SYMPK: variants seen among roughly 807,000 people sequenced by gnomAD.
The protein encoded by SYMPK is symplekin scaffold protein, also known as symplekin.
SYMPK carries 49 observed loss-of-function variants against 136.4 expected under a neutral mutation model. The observed-to-expected ratio is 0.36, with a 90% CI of 0.29 to 0.46. The LOEUF (loss-of-function observed/expected upper bound fraction) is 0.46. Among genes scored for constraint, SYMPK ranks in the 20% least tolerant of loss-of-function variants. The pLI, the probability that SYMPK is intolerant of heterozygous loss-of-function variation, is 1.00. For synonymous variants in SYMPK, 766 were observed against 713.0 expected (o/e 1.07, Z -1.19); for missense variants, 1,365 against 1,690.0 (o/e 0.81, Z 3.37).
intron 3 of SYMPK, among the ~76,000 whole-genome samples, chr19:45,853,010 T>C (rs773004093): frequency 2.0e-5 from 3 of 152,212 alleles, no homozygotes; most frequent in Admixed American, 6.5e-5. Flanking sequence ...CCCTTGTGCC[T>C]GCCAGGCTCT....
intron 9 of SYMPK, among the ~76,000 whole-genome samples, chr19:45,839,830 T>TCAAAA (rs147197355): frequency 0.14 from 21,167 of 148,596 alleles, 1,569 homozygotes; most frequent in South Asian, 0.18. Flanking sequence ...AGACTCTGTC[T>TCAAAA]CAAAACAAAA....
In SYMPK at chr19:45,815,511, T is replaced by TCCCCCCCC; in HGVS notation, c.*48_*49insGGGGGGGG. The TCCCCCCCC allele has an allele frequency of 9.9e-7, 1 of 1,012,798 alleles. No homozygotes were observed. The highest frequency in any genetic ancestry group is 1.4e-6 in the Non-Finnish European group (1 of 736,554). The allele number at this position is 1,012,798 out of a possible 1,614,324, so 62.7% of individuals were successfully genotyped here. A position where few individuals can be genotyped will look rare whatever the true frequency, so the allele number is the denominator to read the frequency against. ...CACCCGCAGGTCAAGCCCCGCCCCG[T>TCCCCCCCC]CCCCCAGCCCCGAGTCCCTGTCCCA... is the stretch of plus-strand genomic sequence containing the variant. On this transcript the variant is annotated 3_prime_UTR_variant, in exon 27 of 27. Coordinates refer to ENST00000245934, the MANE Select transcript of SYMPK (RefSeq NM_004819.3).
intron 16 of SYMPK, among the ~76,000 whole-genome samples, chr19:45,827,217 C>T (rs1424543155): frequency 2.0e-5 from 3 of 152,210 alleles, no homozygotes; most frequent in Non-Finnish European, 2.9e-5. Context: ...CTGGCCACCA[C>T]GGGTGGACTA....
intron 8 of SYMPK, chr19:45,843,059 T>A (rs1971480661): frequency 6.5e-6 from 1 of 153,228 alleles, no homozygotes; most frequent in African/African-American, 2.4e-5. Flanking sequence ...CCAGTGAGAA[T>A]ACCACATTCC....
rs146119096 is a variant in SYMPK, at chr19:45,842,401, C to T, written c.936G>A (p.Pro312=). ...TCTGGGCCTGGAACTCCAAGGAAGC[C>T]GGGTGCTTCAGCACACTCAACAGGT... ...KLHLLSVLKH[P]ASLEFQAQIT... is the part of the protein sequence containing the mutation. The change falls in exon 9 of 27, where the codon CCG becomes CCA. Residue 312 remains proline (P), a synonymous_variant. Coordinates refer to ENST00000245934, the MANE Select transcript of SYMPK (RefSeq NM_004819.3). 77 of 1,614,086 alleles carry T rather than the reference C, an allele frequency of 4.8e-5. No homozygotes were observed. In the Admixed American group the frequency reaches 1.1e-3, roughly 23 times the overall value.
chr19:45,836,863 G>C (rs1429293497), intron 10 of SYMPK, among the ~76,000 whole-genome samples: 1 of 152,066 alleles, frequency 6.6e-6, no homozygotes, highest in Non-Finnish European at 1.5e-5. Context: ...AGGCTACACA[G>C]TGAACTTTAA....
chr19:45,818,651 T>C (rs950239871), intron 22 of SYMPK, among the ~76,000 whole-genome samples: 1 of 152,092 alleles, frequency 6.6e-6, no homozygotes, highest in African/African-American at 2.4e-5. Flanking sequence ...AAGGGCTGTG[T>C]TGGGCATATG....
intron 1 of SYMPK, among the ~76,000 whole-genome samples, chr19:45,860,336 T>C (rs150319067): frequency 0.017 from 2,565 of 152,024 alleles, 43 homozygotes; most frequent in Non-Finnish European, 0.029. Context: ...CAGGCACATG[T>C]AATCCTAGCT....
At chr19:45,849,913 C>T (rs1417360585) in intron 5 of SYMPK, among the ~76,000 whole-genome samples, 3 of 152,130 alleles carry the variant, frequency 2.0e-5, no homozygotes, top group Non-Finnish European at 4.4e-5. Flanking sequence ...GGCATGGTGG[C>T]GGGCACCTGT....
chr19:45,822,518 C>T (rs564939794), intron 21 of SYMPK, among the ~76,000 whole-genome samples: 76 of 152,328 alleles, frequency 5.0e-4, no homozygotes, highest in Non-Finnish European at 8.4e-4. Flanking sequence ...AGGGAAGATG[C>T]TGCTGGAGCC....
At chr19:45,842,578 G>A in intron 8 of SYMPK, 89 bp from the exon 9 acceptor site, 4 of 1,545,542 alleles carry the variant, frequency 2.6e-6, no homozygotes, top group Non-Finnish European at 3.5e-6. Context: ...TTGGGCAGTG[G>A]TCTTGCAGGC....
intron 26 of SYMPK, 44 bp downstream of exon 26, chr19:45,815,807 C>T (rs1970716448): frequency 6.2e-7 from 1 of 1,601,266 alleles, no homozygotes; most frequent in Non-Finnish European, 8.5e-7. Context: ...TCACCCCGGC[C>T]CAGATCCGGC....
Position 45,827,628 on chromosome 19 carries a change from A to G in SYMPK, c.2068-5T>C, listed in dbSNP as rs988791297. On this transcript the variant is annotated splice_region_variant and splice_polypyrimidine_tract_variant and intron_variant, in intron 15 of 26. Transcript: ENST00000245934. ...CATGCCCAGATAGGTGCGACTCTGC[A>G]GCAAAAGGAAAGGGACCCGAGCTCA... 1 of 1,613,438 alleles carries G rather than the reference A, an allele frequency of 6.2e-7. No individual in the cohort carries two copies. The highest frequency in any genetic ancestry group is 8.5e-7 in the Non-Finnish European group (1 of 1,179,370).
At position 45,816,197 on chromosome 19, in the gene SYMPK, G is replaced by C. The variant is rs749185561; in HGVS notation, c.3355-14C>G. ...CTCCAGATCATCCTGGGGATAGGGAGGGCCACACAGAAGCTCAGAGGTGGG... is the reference window on the plus strand; with the variant it reads ...CTCCAGATCATCCTGGGGATAGGGACGGCCACACAGAAGCTCAGAGGTGGG... On this transcript the variant is annotated splice_polypyrimidine_tract_variant and intron_variant, in intron 25 of 26. Coordinates refer to ENST00000245934, the MANE Select transcript of SYMPK (RefSeq NM_004819.3). 2.0e-6 allele frequency: 3 copies of C among 1,494,838 alleles called. No homozygotes were observed. The highest frequency in any genetic ancestry group is 1.8e-6 in the Non-Finnish European group (2 of 1,116,868). 92.6% of individuals were successfully genotyped at this position (1,494,838 alleles called of 1,614,324 possible).
chr19:45,847,786 G>T lies in SYMPK; in HGVS notation c.642C>A (p.Asp214Glu). Residue 214 changes from aspartate to glutamate, a missense_variant, in exon 7 of 27, where the codon GAC becomes GAA. Physicochemically the swap from Asp to Glu is conservative, Grantham distance 45. This residue lies in a region of SYMPK where 237 missense variants were observed against 292.9 expected (regional missense o/e 0.81). Coordinates refer to ENST00000245934, the MANE Select transcript of SYMPK (RefSeq NM_004819.3). ...TGTAGGGGTGGTCACGAGGGATGCG[G>T]TCCAGGCTGATATCATGCTCCTGGC... Reference protein sequence around the residue: ...PRRQEHDISLDRIPRDHPYIQ... With the variant: ...PRRQEHDISLERIPRDHPYIQ... 1 of 1,614,056 alleles carries T rather than the reference G, an allele frequency of 6.2e-7. No individual in the cohort carries two copies. The highest frequency in any genetic ancestry group is 8.5e-7 in the Non-Finnish European group (1 of 1,180,008).
rs1188161401 is a variant in SYMPK, at chr19:45,821,427, G to A, written c.2850C>T (p.His950=). The A allele has an allele frequency of 6.2e-7, 1 of 1,614,130 alleles. No individual in the cohort carries two copies. The highest frequency in any genetic ancestry group is 1.1e-5 in the South Asian group (1 of 91,082). Residue 950 remains histidine, a synonymous_variant, in exon 22 of 27, where the codon CAC becomes CAT. Transcript: ENST00000245934. This position sits in a 1 kb window ranked among gnomAD's most constrained non-coding sequence, Gnocchi z 4.4. ...TGTCGCACTTCACGGAGTCAATGTT[G>A]TGTAATGCGATCAGGAGCTCTCCAG... ...LNPGELLIAL[H]NIDSVKCDMK... is the part of the protein sequence containing the mutation.
intron 5 of SYMPK, among the ~76,000 whole-genome samples, chr19:45,851,323 C>T (rs1003644163): frequency 1.3e-5 from 2 of 152,170 alleles, no homozygotes; most frequent in Non-Finnish European, 2.9e-5. Flanking sequence ...TGCCTGTAAT[C>T]CCCGCACTTT....
Position 45,838,188 on chromosome 19 carries a change from T to C in SYMPK, c.1242+273A>G, listed in dbSNP as rs190998351. Among the ~76,000 whole-genome samples the C allele has an allele frequency of 3.6e-4, 55 of 152,038 alleles. 1 individual carries two copies. Among genetic ancestry groups the C allele is most frequent in the Admixed American group, 2.5e-3 (38 of 15,232 alleles). On this transcript the variant is annotated intron_variant, in intron 10 of 26. Transcript: ENST00000245934. ...ACCTCCCTGCTCCCCAACACTCCCTTTCTCCTGCTCCTGCTCTGCCACACG... is the reference window on the plus strand; with the variant it reads ...ACCTCCCTGCTCCCCAACACTCCCTCTCTCCTGCTCCTGCTCTGCCACACG...
At chr19:45,846,997 T>C (rs987172202) in intron 7 of SYMPK, among the ~76,000 whole-genome samples, 1 of 152,010 alleles carries the variant, frequency 6.6e-6, no homozygotes, top group Non-Finnish European at 1.5e-5. Flanking sequence ...TTTCACCATG[T>C]TGGCCAGGGT....
Sources: allele counts gnomAD v4.1 joint callset (sites outside exome capture counted in the v4.1 genomes callset), GRCh38; gene constraint gnomAD v4.1.1; regional missense constraint gnomAD v4.1.1; non-coding constraint Gnocchi (gnomAD v3.1); transcripts MANE v1.5; gene names NCBI Gene and HGNC (gene_info 2026-07-23, HGNC 2026-07-21).